The following PCDH15 variants were observed in gnomAD, a reference collection of about 807,000 sequenced individuals.
The protein encoded by PCDH15 is protocadherin related 15.
PCDH15 carries 129 observed loss-of-function variants against 178.5 expected under a neutral mutation model. The ratio of observed to expected loss-of-function variants is 0.72; its 90% CI spans 0.63 to 0.84. The LOEUF is 0.84. Among genes scored for constraint, PCDH15 ranks in the 40% least tolerant of loss-of-function variants. The pLI is 0.00. For missense variants in PCDH15, 2,230 were observed against 2,099.9 expected (o/e 1.06, Z -1.21); for synonymous variants, 800 against 732.0 (o/e 1.09, Z -1.50).
At position 55,179,981 on chromosome 10, in the gene PCDH15, T is replaced by C. The variant is rs547338577; in HGVS notation, c.-155-13330A>G. Among the ~76,000 whole-genome samples the C allele has an allele frequency of 1.1e-4, 17 of 152,112 alleles. No individual in the cohort carries two copies. In the East Asian group the frequency reaches 2.1e-3, roughly 19 times the overall value. On this transcript the variant is annotated intron_variant, in intron 1 of 5. Coordinates refer to the PCDH15 transcript ENST00000458638. ...ACAAAGAATAATAAACACATTTCTA[T>C]TCTAAGGGAGTTTTTAAATCTAGGA... is the stretch of plus-strand genomic sequence containing the variant.
upstream of PCDH15, among the ~76,000 whole-genome samples, chr10:55,320,915 T>C (rs1843881272): frequency 6.6e-6 from 1 of 152,188 alleles, no homozygotes; most frequent in South Asian, 2.1e-4. Context: ...TCCATACCAA[T>C]GGTTCCTATC....
At chr10:55,397,951 G>A (rs917848944) in intron 2 of PCDH15, among the ~76,000 whole-genome samples, 9 of 152,086 alleles carry the variant, frequency 5.9e-5, no homozygotes, top group African/African-American at 2.2e-4. Flanking sequence ...TGCTAATGAG[G>A]TAACTAATGT....
At chr10:54,481,462 G>A (rs964270934) in intron 3 of PCDH15, among the ~76,000 whole-genome samples, 3 of 151,614 alleles carry the variant, frequency 2.0e-5, no homozygotes, top group Non-Finnish European at 4.4e-5. Flanking sequence ...TAACAAAAAT[G>A]TTTAAAATAT....
intron 1 of PCDH15, among the ~76,000 whole-genome samples, chr10:55,276,436 G>C (rs980454702): frequency 2.0e-5 from 3 of 150,906 alleles, no homozygotes; most frequent in African/African-American, 7.3e-5. Flanking sequence ...TCATGAACAT[G>C]TGTTTATATA....
chr10:54,715,577 G>A (rs562271524), intron 1 of PCDH15, among the ~76,000 whole-genome samples: 13 of 152,190 alleles, frequency 8.5e-5, no homozygotes, highest in Admixed American at 5.9e-4. Context: ...CTGGTAAAAC[G>A]ATATGGGTGC....
chr10:55,586,889 T>A (rs1005461195), intron 2 of PCDH15, among the ~76,000 whole-genome samples: 4 of 152,180 alleles, frequency 2.6e-5, no homozygotes, highest in African/African-American at 9.6e-5. Flanking sequence ...TTCATGCATT[T>A]GTATTCCTAT....
intron 1 of PCDH15, among the ~76,000 whole-genome samples, chr10:55,199,070 G>T (rs1840171871): frequency 6.6e-6 from 1 of 152,110 alleles, no homozygotes; most frequent in Non-Finnish European, 1.5e-5. Context: ...TGAAAAGGTG[G>T]AAGCAACTTT....
chr10:54,083,645 A>G (rs1295451448), intron 16 of PCDH15, among the ~76,000 whole-genome samples: 3 of 152,180 alleles, frequency 2.0e-5, no homozygotes, highest in African/African-American at 7.2e-5. Context: ...ATAGGGAGCA[A>G]TTGCTAAATG....
intron 37 of PCDH15, chr10:53,808,306 T>C (rs889815526): frequency 9.3e-5 from 47 of 503,924 alleles, no homozygotes; most frequent in Non-Finnish European, 1.1e-4. Flanking sequence ...AAAGATGATA[T>C]AAAAACATAT....
At chr10:54,542,551 T>G (rs1301961051) in intron 2 of PCDH15, among the ~76,000 whole-genome samples, 1 of 152,148 alleles carries the variant, frequency 6.6e-6, no homozygotes, top group Non-Finnish European at 1.5e-5. Context: ...ATTTCCTACT[T>G]TTTCCATACA....
intron 2 of PCDH15, among the ~76,000 whole-genome samples, chr10:55,520,115 GTATA>G (rs1166100070): frequency 8.4e-6 from 1 of 118,672 alleles, no homozygotes; most frequent in Non-Finnish European, 1.8e-5. Flanking sequence ...CACGCAATGT[GTATA>G]TATATATACA....
At chr10:54,909,014 G>A (rs550554344) in intron 2 of PCDH15, among the ~76,000 whole-genome samples, 26 of 152,276 alleles carry the variant, frequency 1.7e-4, no homozygotes, top group African/African-American at 4.3e-4. Context: ...TCATCCCGAC[G>A]AGTGTCCAGC....
intron 2 of PCDH15, among the ~76,000 whole-genome samples, chr10:54,958,130 T>A (rs1464749746): frequency 6.6e-6 from 1 of 151,888 alleles, no homozygotes; most frequent in African/African-American, 2.4e-5. Context: ...CCGTTTTTTG[T>A]TGAAGATGCT....
At chr10:55,060,562 C>A (rs1841404586) in intron 2 of PCDH15, among the ~76,000 whole-genome samples, 1 of 151,762 alleles carries the variant, frequency 6.6e-6, no homozygotes, top group African/African-American at 2.4e-5. Context: ...TCACAAAATT[C>A]TAAGAAATAT....
chr10:54,240,649 T>TG (rs2055163160), intron 8 of PCDH15, among the ~76,000 whole-genome samples: 2 of 144,438 alleles, frequency 1.4e-5, no homozygotes, highest in Non-Finnish European at 3.0e-5. Flanking sequence ...TTTTTTTTTT[T>TG]GAGACAGAGT....
chr10:55,425,617 A>AT lies in PCDH15; in HGVS notation c.-156+202007dup, dbSNP rs532952455. On this transcript the variant is annotated intron_variant, in intron 2 of 5. Transcript: ENST00000613346. Reference sequence around the variant, plus strand: ...TATCTTTATCTCAGTTTTAAAAAAAATCTTGTGGGTCTGAGAAGAGTTACC... The same window carrying AT: ...TATCTTTATCTCAGTTTTAAAAAAAATTCTTGTGGGTCTGAGAAGAGTTACC... 4.3e-3 allele frequency among the ~76,000 whole-genome samples: 652 copies of AT among 152,030 alleles called. 5 individuals carry two copies. The highest frequency in any genetic ancestry group is 0.015 in the African/African-American group (601 of 41,440).
intron 3 of PCDH15, among the ~76,000 whole-genome samples, chr10:54,823,893 C>G (rs1356788544): frequency 6.6e-6 from 1 of 152,056 alleles, no homozygotes; most frequent in Non-Finnish European, 1.5e-5. Context: ...CTTATTTGAA[C>G]AGTATATGCA....
At chr10:53,876,858 T>C (rs1262863915) in intron 26 of PCDH15, among the ~76,000 whole-genome samples, 1 of 152,078 alleles carries the variant, frequency 6.6e-6, no homozygotes, top group East Asian at 1.9e-4. Flanking sequence ...AATGTAATAA[T>C]GGAAACACGC....
chr10:54,365,986 G>A (rs879312065), intron 5 of PCDH15, among the ~76,000 whole-genome samples: 7 of 152,040 alleles, frequency 4.6e-5, no homozygotes, highest in Non-Finnish European at 7.4e-5. Context: ...TACCATAAAT[G>A]TAAATCATAT....
Sources: allele counts gnomAD v4.1 joint callset (sites outside exome capture counted in the v4.1 genomes callset), GRCh38; gene constraint gnomAD v4.1.1; transcripts MANE v1.5; gene names NCBI Gene and HGNC (gene_info 2026-07-23, HGNC 2026-07-21).